The following SAMHD1 variants were observed in gnomAD, a reference collection of about 807,000 sequenced individuals.
The protein encoded by SAMHD1 is SAM and HD domain containing deoxynucleoside triphosphate triphosphohydrolase 1.
Under a neutral mutation model 79.6 loss-of-function variants are expected in SAMHD1, and 54 were observed. The observed-to-expected ratio is 0.68, with a 90% CI of 0.55 to 0.85. SAMHD1 has a LOEUF of 0.85. Among genes scored for constraint, SAMHD1 ranks in the 40% least tolerant of loss-of-function variants. The probability of loss-of-function intolerance (pLI) is 0.00; values close to 1 mark genes in which losing one functional copy is unlikely to be tolerated. For missense variants in SAMHD1, 663 were observed against 782.7 expected, an observed-to-expected ratio of 0.85 and a Z score of 1.82; for synonymous variants, 260 against 264.1, an observed-to-expected ratio of 0.98 and a Z score of 0.15.
chr20:36,905,387 T>G lies in SAMHD1; in HGVS notation c.1387A>C (p.Thr463Pro). The change falls in exon 12 of 16, where the codon ACA becomes CCA. Residue 463 changes from threonine (T) to proline (P), a missense_variant. Physicochemically the swap from Thr to Pro is conservative, Grantham distance 38. Transcript: ENST00000646673. ...ACCCTTTTAATCTTTATTTGTCCTG[T>G]TGGCTGCGTCTCACCCACATACTTG... ...LFKYVGETQP[T>P]GQIKIKREDY... The G allele has an allele frequency of 1.2e-6, 2 of 1,614,130 alleles. No individual in the cohort carries two copies. The highest frequency in any genetic ancestry group is 1.7e-6 in the Non-Finnish European group (2 of 1,180,002).
At chr20:36,932,643 C>T (rs2063575658) in intron 4 of SAMHD1, among the ~76,000 whole-genome samples, 1 of 151,842 alleles carries the variant, frequency 6.6e-6, no homozygotes, top group South Asian at 2.1e-4. Flanking sequence ...TCTTGAACTC[C>T]TGACCTCAGG....
In SAMHD1 at chr20:36,892,771, A is replaced by G; in HGVS notation, c.*161T>C. 2.2e-6 allele frequency: 2 copies of G among 891,480 alleles called. No homozygotes were observed. Among genetic ancestry groups the G allele is most frequent in the Non-Finnish European group, 3.7e-6 (2 of 535,114 alleles). 55.2% of individuals were successfully genotyped at this position (891,480 alleles called of 1,614,324 possible). ...AGTATAGTAAGATTTGCCTAATACC[A>G]TCTTATTTCTTTGATTAAAAGTTAC... is the stretch of plus-strand genomic sequence containing the variant. On this transcript the variant is annotated 3_prime_UTR_variant, in exon 16 of 16. Transcript: ENST00000646673.
In SAMHD1 at chr20:36,904,486, A is replaced by G. The variant is rs568348650; in HGVS notation, c.1411-237T>C. ...ATAATCCCAGCACTTTGGGAGGCCC[A>G]GGTGGGCGGATCATGAGGTCGGGAG... On this transcript the variant is annotated intron_variant, in intron 12 of 15. Transcript: ENST00000646673. The G allele has an allele frequency of 5.9e-4, 269 of 452,754 alleles. 2 individuals carry two copies. The highest frequency in any genetic ancestry group is 4.7e-3 in the African/African-American group (236 of 50,222). The allele number at this position is 452,754 out of a possible 1,614,324, so 28.0% of individuals were successfully genotyped here.
intron 4 of SAMHD1, among the ~76,000 whole-genome samples, chr20:36,932,810 GT>G (rs2063576529): frequency 6.6e-6 from 1 of 152,010 alleles, no homozygotes; most frequent in Non-Finnish European, 1.5e-5. Context: ...GATGATAAGA[GT>G]TTTGGCAATC....
chr20:36,900,531 C>A (rs1990284075), intron 13 of SAMHD1, among the ~76,000 whole-genome samples: 1 of 151,886 alleles, frequency 6.6e-6, no homozygotes, highest in Non-Finnish European at 1.5e-5. Flanking sequence ...CAGGCATGAG[C>A]CACCGGGGCC....
intron 15 of SAMHD1, among the ~76,000 whole-genome samples, chr20:36,897,248 A>G (rs2148355155): frequency 6.6e-6 from 1 of 152,260 alleles, no homozygotes; most frequent in Middle Eastern, 3.4e-3. Flanking sequence ...TGCCAATCAT[A>G]TTCATTCATT....
At chr20:36,932,624 C>T (rs2063575531) in intron 4 of SAMHD1, among the ~76,000 whole-genome samples, 1 of 151,740 alleles carries the variant, frequency 6.6e-6, no homozygotes, top group Non-Finnish European at 1.5e-5. Context: ...GCCATGTTGC[C>T]CAGGCTGATC....
At chr20:36,908,640 A>T (rs1413537507) in intron 11 of SAMHD1, among the ~76,000 whole-genome samples, 1 of 152,162 alleles carries the variant, frequency 6.6e-6, no homozygotes, top group East Asian at 1.9e-4. Flanking sequence ...TTTTCCCCCC[A>T]TTTCATTTTT....
chr20:36,940,920 C>T (rs2063639311), intron 3 of SAMHD1, 119 bp downstream of exon 3: 2 of 749,356 alleles, frequency 2.7e-6, no homozygotes, highest in Non-Finnish European at 4.7e-6. Flanking sequence ...AAAAGATCCA[C>T]TACTCACAAT....
intron 11 of SAMHD1, among the ~76,000 whole-genome samples, chr20:36,906,415 G>A (rs1601120577): frequency 6.6e-6 from 1 of 152,236 alleles, no homozygotes; most frequent in African/African-American, 2.4e-5. Flanking sequence ...TCCCACCTGG[G>A]TGACAGAGTG....
rs2063736144 is a variant in SAMHD1, at chr20:36,951,666, A to G, written c.-23T>C. The stretch of plus-strand genomic sequence containing the variant: ...CATGGCTACACCTGGCGTCCGGCAC[A>G]GCAGTCAAGAACCTCGGCGCCGGAC... On this transcript the variant is annotated 5_prime_UTR_variant, in exon 1 of 16. Transcript: ENST00000646673. The G allele has an allele frequency of 6.2e-7, 1 of 1,612,054 alleles. No homozygotes were observed. Among genetic ancestry groups the G allele is most frequent in the African/African-American group, 1.3e-5 (1 of 74,894 alleles).
At chr20:36,929,453 G>C (rs139455995) in intron 5 of SAMHD1, among the ~76,000 whole-genome samples, 3 of 152,074 alleles carry the variant, frequency 2.0e-5, no homozygotes, top group Non-Finnish European at 4.4e-5. Flanking sequence ...GAACAGTCCC[G>C]GCCCAACGTG....
Position 36,951,600 on chromosome 20 carries a change from C to T in SAMHD1, c.44G>A (p.Cys15Tyr), listed in dbSNP as rs2063735353. 1 of 1,614,158 alleles carries T rather than the reference C, an allele frequency of 6.2e-7. No individual in the cohort carries two copies. ...TGAGGGGGTTCTCGGGCTGTCATCG[C>T]AACGGGGACGCTTGGAGGGCTGCTC... ...DSEQPSKRPRCDDSPRTPSNT... is the reference protein window; with the variant it reads ...DSEQPSKRPRYDDSPRTPSNT... Residue 15 changes from cysteine to tyrosine, a missense_variant, in exon 1 of 16, where the codon TGC (cysteine) becomes TAC (tyrosine). Cys to Tyr is a radical substitution (Grantham distance 194). Coordinates refer to ENST00000646673, the MANE Select transcript of SAMHD1 (RefSeq NM_015474.4).
chr20:36,942,650 CTTCT>C (rs2063653944), intron 2 of SAMHD1, among the ~76,000 whole-genome samples: 1 of 56,784 alleles, frequency 1.8e-5, no homozygotes, highest in Non-Finnish European at 3.0e-5. Context: ...TTCTATCTAA[CTTCT>C]TTTTTTTTTT....
intron 4 of SAMHD1, chr20:36,931,076 C>A: frequency 1.7e-6 from 1 of 602,558 alleles, no homozygotes; most frequent in Non-Finnish European, 3.0e-6. Context: ...TATCACCAAT[C>A]ATTAGAGGAA....
At chr20:36,941,793 A>G (rs2146145213) in intron 2 of SAMHD1, among the ~76,000 whole-genome samples, 1 of 152,276 alleles carries the variant, frequency 6.6e-6, no homozygotes, top group South Asian at 2.1e-4. Flanking sequence ...TGGGAGTCAG[A>G]GGCACTACAT....
intron 15 of SAMHD1, among the ~76,000 whole-genome samples, chr20:36,894,993 C>A (rs2148353831): frequency 6.6e-6 from 1 of 152,124 alleles, no homozygotes; most frequent in African/African-American, 2.4e-5. Flanking sequence ...CCACCTCAAC[C>A]TCCCAAAGTG....
rs1600399603 is a variant in SAMHD1 at position 36,951,701 on chromosome 20, G to T, written c.-58C>A. 1.1e-5 allele frequency: 18 copies of T among 1,608,554 alleles called. No homozygotes were observed. The East Asian group carries it at 3.8e-4, about 34-fold the overall frequency. On this transcript the variant is annotated 5_prime_UTR_variant, in exon 1 of 16. It adds an upstream start codon to the 5' untranslated region. Coordinates refer to ENST00000646673, the MANE Select transcript of SAMHD1 (RefSeq NM_015474.4). Reference sequence around the variant, plus strand: ...AACCTCGGCGCCGGACCCGCGCGCAGGCGCACTGACAGCAGGGCCCTGGCG... The same window carrying T: ...AACCTCGGCGCCGGACCCGCGCGCATGCGCACTGACAGCAGGGCCCTGGCG...
Position 36,951,500 on chromosome 20 carries a change from C to T in SAMHD1, c.144G>A (p.Glu48=), listed in dbSNP as rs140157384. ...CGCGCCTGAGGAAGGAGCACACCTGCTCCGGACCCCATGTCTTGTAGTCGG... is the reference window on the plus strand; with the variant it reads ...CGCGCCTGAGGAAGGAGCACACCTGTTCCGGACCCCATGTCTTGTAGTCGG... The part of the protein sequence containing the change: ...LHPDYKTWGP[E]QVCSFLRRGG... Residue 48 remains glutamate (E), a synonymous_variant, in exon 1 of 16, where the codon GAG becomes GAA. Transcript: ENST00000646673. The T allele has an allele frequency of 1.7e-5, 27 of 1,614,082 alleles. No homozygotes were observed. Among genetic ancestry groups the T allele is most frequent in the Non-Finnish European group, 2.2e-5 (26 of 1,180,024 alleles).
Sources: allele counts gnomAD v4.1 joint callset (sites outside exome capture counted in the v4.1 genomes callset), GRCh38; gene constraint gnomAD v4.1.1; transcripts MANE v1.5; gene names NCBI Gene and HGNC (gene_info 2026-07-23, HGNC 2026-07-21).